The following PPP2R5C variants were observed in gnomAD, a reference collection of about 807,000 sequenced individuals.
PPP2R5C encodes protein phosphatase 2 regulatory subunit B'gamma.
Under a neutral mutation model 68.9 loss-of-function variants are expected in PPP2R5C, and 7 were observed. The ratio of observed to expected loss-of-function variants is 0.10; its 90% CI spans 0.06 to 0.19. PPP2R5C has a LOEUF of 0.19. Among genes scored for constraint, PPP2R5C ranks in the 10% least tolerant of loss-of-function variants. The pLI is 1.00. For synonymous variants in PPP2R5C, 210 were observed against 222.2 expected (o/e 0.95, Z 0.49); for missense variants, 348 against 641.3 (o/e 0.54, Z 4.94).
intron 8 of PPP2R5C, 36 bp from the exon 11 acceptor site, chr14:101,901,683 G>A (rs773131962): frequency 6.2e-7 from 1 of 1,606,012 alleles, no homozygotes; most frequent in Non-Finnish European, 8.5e-7. Flanking sequence ...GGGGCCTCGT[G>A]GGCATCAGTC....
intron 2 of PPP2R5C, among the ~76,000 whole-genome samples, chr14:101,868,006 C>A (rs576566586): frequency 3.9e-5 from 6 of 152,222 alleles, no homozygotes; most frequent in African/African-American, 1.2e-4. Flanking sequence ...ACACCCTGCA[C>A]CCCCAGATGG....
At chr14:101,842,898 A>C (rs1340680695) in intron 1 of PPP2R5C, among the ~76,000 whole-genome samples, 3 of 151,758 alleles carry the variant, frequency 2.0e-5, no homozygotes, top group Non-Finnish European at 4.4e-5. Context: ...ACTTAAAACC[A>C]AGCAGAGAGT....
chr14:101,925,249 C>G, exon 14 of PPP2R5C: 1 of 1,613,460 alleles, frequency 6.2e-7, no homozygotes, highest in Admixed American at 1.7e-5. Context: ...GGCCGATGAG[C>G]TGGCCTCCCA....
chr14:101,791,015 G>A (rs943449955), intron 3 of PPP2R5C, among the ~76,000 whole-genome samples: 8 of 151,672 alleles, frequency 5.3e-5, no homozygotes, highest in African/African-American at 1.9e-4. Flanking sequence ...GGGAAGTGGA[G>A]GTTGCAGTGA....
At chr14:101,783,395 T>A (rs1246627841) in intron 2 of PPP2R5C, among the ~76,000 whole-genome samples, 2 of 150,762 alleles carry the variant, frequency 1.3e-5, no homozygotes, top group Non-Finnish European at 3.0e-5. Flanking sequence ...CCTGAGCTGA[T>A]GTCCCATCGG....
chr14:101,828,229 A>G lies in PPP2R5C; in HGVS notation c.94+18193A>G, dbSNP rs2040518028. ...GACAGAAAGCAGATTAGAGGTTGCC[A>G]GGGGCTGCGGGGAGGGAGGAAGGGG... On this transcript the variant is annotated intron_variant, in intron 1 of 13. Transcript: ENST00000334743. Among the ~76,000 whole-genome samples, 3 of 152,152 alleles carry G rather than the reference A, an allele frequency of 2.0e-5. No individual in the cohort carries two copies. In the South Asian group the frequency reaches 6.2e-4, roughly 32 times the overall value.
intron 10 of PPP2R5C, among the ~76,000 whole-genome samples, chr14:101,907,083 T>G (rs1364615635): frequency 3.3e-5 from 5 of 152,252 alleles, no homozygotes. Context: ...TAAATCCGTT[T>G]ACTGAGCAAT....
intron 1 of PPP2R5C, among the ~76,000 whole-genome samples, chr14:101,813,645 CAG>C (rs528834299): frequency 1.0e-3 from 152 of 152,286 alleles, no homozygotes; most frequent in African/African-American, 3.1e-3. Flanking sequence ...TGGTAATGGC[CAG>C]AGAGGAAGCA....
intron 1 of PPP2R5C, among the ~76,000 whole-genome samples, chr14:101,853,160 CA>C (rs550981760): frequency 7.4e-5 from 11 of 147,858 alleles, no homozygotes; most frequent in African/African-American, 1.2e-4. Flanking sequence ...AACTTGTATT[CA>C]AAAAAAAATG....
intron 3 of PPP2R5C, among the ~76,000 whole-genome samples, chr14:101,787,239 G>T (rs2038137061): frequency 6.6e-6 from 1 of 152,218 alleles, no homozygotes; most frequent in Non-Finnish European, 1.5e-5. Flanking sequence ...GACAGACTGA[G>T]ATCTTGTTCT....
chr14:101,778,509 A>G (rs566971454), intron 2 of PPP2R5C, among the ~76,000 whole-genome samples: 7 of 152,244 alleles, frequency 4.6e-5, no homozygotes, highest in African/African-American at 1.4e-4. Context: ...TTACCTTTGT[A>G]TTCTTCTAAG....
At chr14:101,824,372 A>G (rs2040270574) in intron 1 of PPP2R5C, 2 of 316,192 alleles carry the variant, frequency 6.3e-6, no homozygotes, top group Non-Finnish European at 1.2e-5. Context: ...ATCAAGAAAT[A>G]TTTCTTGATG....
At chr14:101,764,918 C>T (rs1348737245) in intron 2 of PPP2R5C, among the ~76,000 whole-genome samples, 2 of 150,076 alleles carry the variant, frequency 1.3e-5, no homozygotes, top group Admixed American at 6.7e-5. Context: ...ATTCCTTATA[C>T]AAAGGAGCAT....
chr14:101,862,114 C>T (rs958467664), intron 2 of PPP2R5C, among the ~76,000 whole-genome samples: 10 of 152,260 alleles, frequency 6.6e-5, no homozygotes, highest in Non-Finnish European at 1.3e-4. Context: ...GGGGTCTCCA[C>T]TCTATTGGCC....
intron 2 of PPP2R5C, among the ~76,000 whole-genome samples, chr14:101,777,183 T>C (rs1042273056): frequency 1.3e-5 from 2 of 152,160 alleles, no homozygotes; most frequent in African/African-American, 2.4e-5. Context: ...TGTTTGGATA[T>C]AGCACATTTC....
chr14:101,838,775 G>T (rs2041274034), intron 1 of PPP2R5C, among the ~76,000 whole-genome samples: 1 of 149,320 alleles, frequency 6.7e-6, no homozygotes, highest in Non-Finnish European at 1.5e-5. Context: ...TGGGCATGGT[G>T]GCTCATGCCT....
intron 6 of PPP2R5C, among the ~76,000 whole-genome samples, chr14:101,890,646 G>A (rs2044808233): frequency 6.6e-6 from 1 of 151,732 alleles, no homozygotes; most frequent in African/African-American, 2.4e-5. Context: ...TTGTACATTT[G>A]GGGTATCATG....
intron 1 of PPP2R5C, among the ~76,000 whole-genome samples, chr14:101,840,398 T>G (rs1361746677): frequency 1.3e-5 from 2 of 150,808 alleles, no homozygotes; most frequent in Non-Finnish European, 2.9e-5. Context: ...CCAGCGTCTC[T>G]TGCCTTTTTC....
At position 101,816,964 on chromosome 14, in the gene PPP2R5C, A is replaced by AT. The variant is rs1187346054; in HGVS notation, c.94+6940dup. ...ATAAAAATATTATATATGTATATAT[A>AT]TTTTTTTTTTTTGAGATGGAGTCTT... On this transcript the variant is annotated intron_variant, in intron 1 of 13. Coordinates refer to ENST00000334743, the Ensembl canonical transcript of PPP2R5C. 7.0e-4 allele frequency among the ~76,000 whole-genome samples: 96 copies of AT among 137,242 alleles called. 2 individuals carry two copies. The highest frequency in any genetic ancestry group is 5.8e-3 in the South Asian group (26 of 4,498). The allele number at this position is 137,242 out of a possible 152,430, so 90.0% of individuals were successfully genotyped here.
Sources: allele counts gnomAD v4.1 joint callset (sites outside exome capture counted in the v4.1 genomes callset), GRCh38; gene constraint gnomAD v4.1.1; transcripts MANE v1.5; gene names NCBI Gene and HGNC (gene_info 2026-07-23, HGNC 2026-07-21).